The following YARS1 variants were observed in gnomAD, a reference collection of about 807,000 sequenced individuals.
YARS1 encodes tyrosyl-tRNA synthetase 1, also known as tyrosine--tRNA ligase, cytoplasmic.
Under a neutral mutation model 62.2 loss-of-function variants are expected in YARS1, and 36 were observed. That is an observed-to-expected ratio of 0.58 (90% CI 0.44 to 0.76). YARS1 has a LOEUF of 0.76. YARS1 is among the 30% of genes least tolerant of loss of function. YARS1 has a pLI of 0.00. For missense variants in YARS1, 524 were observed against 639.8 expected (o/e 0.82, Z 1.95); for synonymous variants, 234 against 244.9 (o/e 0.96, Z 0.42).
intron 6 of YARS1, among the ~76,000 whole-genome samples, chr1:32,788,963 T>A (rs1653327009): frequency 6.6e-6 from 1 of 152,230 alleles, no homozygotes; most frequent in Non-Finnish European, 1.5e-5. Flanking sequence ...TAGCTGGAAC[T>A]ATTGGTGCAT....
chr1:32,787,503 TA>T (rs1160079040), intron 6 of YARS1, among the ~76,000 whole-genome samples: 1 of 148,114 alleles, frequency 6.8e-6, no homozygotes, highest in Non-Finnish European at 1.5e-5. Context: ...TAAAAATAAA[TA>T]AATAAAGATT....
intron 4 of YARS1, among the ~76,000 whole-genome samples, chr1:32,804,242 C>G (rs1319686550): frequency 6.6e-6 from 1 of 152,188 alleles, no homozygotes; most frequent in African/African-American, 2.4e-5. Context: ...CCGTTCTCAA[C>G]GAGCTGTTGG....
chr1:32,780,976 C>T (rs1653034186), intron 10 of YARS1, 72 bp downstream of exon 10: 10 of 1,410,346 alleles, frequency 7.1e-6, no homozygotes, highest in Middle Eastern at 3.6e-4. Flanking sequence ...CTCCAGGCCA[C>T]GTTTCCTCCG....
Position 32,780,795 on chromosome 1 carries a change from T to C in YARS1, c.1140+253A>G, listed in dbSNP as rs533599913. The C allele has an allele frequency of 1.0e-3, 560 of 543,984 alleles. 5 individuals carry two copies. Among genetic ancestry groups the C allele is most frequent in the Non-Finnish European group, 4.8e-4 (143 of 300,098 alleles). 33.7% of individuals were successfully genotyped at this position (543,984 alleles called of 1,614,324 possible). On this transcript the variant is annotated intron_variant, in intron 10 of 12. Transcript: ENST00000373477. Reference sequence around the variant, plus strand: ...GATCAGGTGAGTCTATCAGACCAGATTTAACAGATAAACAAGTTCCCTCTG... The same window carrying C: ...GATCAGGTGAGTCTATCAGACCAGACTTAACAGATAAACAAGTTCCCTCTG...
intron 4 of YARS1, among the ~76,000 whole-genome samples, chr1:32,801,707 A>C (rs1638300009): frequency 6.6e-6 from 1 of 152,210 alleles, no homozygotes; most frequent in African/African-American, 2.4e-5. Context: ...ATTGGAGTCC[A>C]TCCTCTCAGA....
At position 32,782,064 on chromosome 1, in the gene YARS1, C is replaced by T. The variant is rs1653077920; in HGVS notation, c.1042+340G>A. The T allele has an allele frequency of 2.6e-5, 6 of 227,954 alleles. No homozygotes were observed. The South Asian group carries it at 3.1e-4, about 12-fold the overall frequency. The allele number at this position is 227,954 out of a possible 1,614,324, so 14.1% of individuals were successfully genotyped here. A position where few individuals can be genotyped will look rare whatever the true frequency, so the allele number is the denominator to read the frequency against. On this transcript the variant is annotated intron_variant, in intron 9 of 12. Coordinates refer to ENST00000373477, the MANE Select transcript of YARS1 (RefSeq NM_003680.4). ...AAGTGATCCGCCTGCCTCAGCCTTC[C>T]AAAGTGTTAAGATTACAGGTGTGAG...
intron 1 of YARS1, 40 bp downstream of exon 1, chr1:32,817,148 C>T: frequency 6.2e-7 from 1 of 1,612,842 alleles, no homozygotes; most frequent in South Asian, 1.1e-5. Context: ...ACCTCGGGCT[C>T]CTAATCCCCA....
intron 1 of YARS1, among the ~76,000 whole-genome samples, chr1:32,814,636 C>T (rs919615552): frequency 1.3e-5 from 2 of 152,306 alleles, no homozygotes; most frequent in African/African-American, 2.4e-5. Context: ...GTGATCTGCC[C>T]GTGTGGGCCT....
intron 12 of YARS1, among the ~76,000 whole-genome samples, chr1:32,777,107 G>T (rs547855996): frequency 6.6e-6 from 1 of 150,654 alleles, no homozygotes; most frequent in South Asian, 2.1e-4. Flanking sequence ...TTGGCTCACT[G>T]CAACCTCCAC....
intron 7 of YARS1, chr1:32,786,721 G>A: frequency 1.4e-6 from 1 of 738,228 alleles, no homozygotes. Flanking sequence ...TAACACCTCT[G>A]CCCACTCCAG....
intron 5 of YARS1, chr1:32,797,494 T>A (rs1653644012): frequency 5.7e-6 from 3 of 526,716 alleles, no homozygotes. Context: ...AAGGAGTAAA[T>A]CCAACAGGTG....
chr1:32,796,297 A>C (rs1653579466), intron 5 of YARS1, among the ~76,000 whole-genome samples: 1 of 152,198 alleles, frequency 6.6e-6, no homozygotes, highest in African/African-American at 2.4e-5. Flanking sequence ...CTCTGTCTTT[A>C]AAAAACAAAC....
intron 2 of YARS1, 63 bp downstream of exon 2, chr1:32,810,848 T>C: frequency 6.2e-7 from 1 of 1,614,022 alleles, no homozygotes; most frequent in South Asian, 1.1e-5. Context: ...ACCCTGTCCT[T>C]GTTAAGTCTC....
intron 4 of YARS1, among the ~76,000 whole-genome samples, chr1:32,805,570 C>A (rs1006278036): frequency 3.9e-5 from 6 of 152,172 alleles, no homozygotes; most frequent in Non-Finnish European, 5.9e-5. Context: ...GGATTCACAA[C>A]CTGGCTATTT....
intron 8 of YARS1, among the ~76,000 whole-genome samples, chr1:32,786,033 G>T (rs941253264): frequency 6.6e-6 from 1 of 152,058 alleles, no homozygotes; most frequent in African/African-American, 2.4e-5. Flanking sequence ...CCACTCGTGT[G>T]TATAAGATTA....
intron 10 of YARS1, chr1:32,780,741 C>A: frequency 2.2e-6 from 1 of 463,030 alleles, no homozygotes; most frequent in Non-Finnish European, 4.0e-6. Flanking sequence ...CAAGATAAGG[C>A]CTGTAGCTAG....
At chr1:32,796,381 T>TC (rs397979814) in intron 5 of YARS1, among the ~76,000 whole-genome samples, 2 of 151,826 alleles carry the variant, frequency 1.3e-5, no homozygotes, top group African/African-American at 4.8e-5. Context: ...GTTTTTTTTT[T>TC]CAGAGACAAG....
rs1293780457 is a variant in YARS1 at position 32,781,102 on chromosome 1, C to G, written c.1086G>C (p.Glu362Asp). 1.2e-6 allele frequency: 2 copies of G among 1,614,086 alleles called. No individual in the cohort carries two copies. The highest frequency in any genetic ancestry group is 1.7e-5 in the Admixed American group (1 of 59,998). ...GGATATCCAGCCGGGATGGGATGACCTCCTCTGGTTCTGAATTCTTGGCAG... is the reference window on the plus strand; with the variant it reads ...GGATATCCAGCCGGGATGGGATGACGTCCTCTGGTTCTGAATTCTTGGCAG... ...KGPAKNSEPE[E>D]VIPSRLDIRV... Residue 362 changes from glutamate to aspartate, a missense_variant, in exon 10 of 13, where the codon GAG becomes GAC. Glu to Asp is a conservative substitution (Grantham distance 45). Coordinates refer to ENST00000373477, the MANE Select transcript of YARS1 (RefSeq NM_003680.4).
rs116683122 is a variant in YARS1, at chr1:32,812,426, T to A, written c.58-1369A>T. On this transcript the variant is annotated intron_variant, in intron 1 of 12. Coordinates refer to ENST00000373477, the MANE Select transcript of YARS1 (RefSeq NM_003680.4). ...ATACCAAATTCCAAACTGATTCTGG[T>A]ATAGCACCATATGACAGATAGCAGG... Among the ~76,000 whole-genome samples, 1,166 of 152,310 alleles carry A rather than the reference T, an allele frequency of 7.7e-3. 14 individuals are homozygous for A. Among genetic ancestry groups the A allele is most frequent in the African/African-American group, 0.026 (1,083 of 41,550 alleles).
Sources: allele counts gnomAD v4.1 joint callset (sites outside exome capture counted in the v4.1 genomes callset), GRCh38; gene constraint gnomAD v4.1.1; transcripts MANE v1.5; gene names NCBI Gene and HGNC (gene_info 2026-07-23, HGNC 2026-07-21).